MFSD11: variants seen among roughly 807,000 people sequenced by gnomAD.
MFSD11 encodes the protein UNC93-like protein MFSD11.
MFSD11 carries 36 observed loss-of-function variants against 53.5 expected under a neutral mutation model. The observed-to-expected ratio is 0.67, with a 90% CI of 0.52 to 0.89. The LOEUF (loss-of-function observed/expected upper bound fraction) is 0.89. MFSD11 is among the 40% of genes least tolerant of loss of function. The pLI is 0.00. For synonymous variants in MFSD11, 186 were observed against 184.9 expected, an observed-to-expected ratio of 1.01 and a Z score of -0.05; for missense variants, 530 against 543.9, an observed-to-expected ratio of 0.97 and a Z score of 0.25.
At chr17:76,749,307 T>C (rs2078831706) in intron 7 of MFSD11, among the ~76,000 whole-genome samples, 1 of 150,428 alleles carries the variant, frequency 6.6e-6, no homozygotes, top group Admixed American at 6.6e-5. Flanking sequence ...GCGGATTGCT[T>C]GAACCCAGGA....
Position 76,769,887 on chromosome 17 carries a change from A to C in MFSD11, c.874+16A>C. 4 of 1,602,768 alleles carry C rather than the reference A, an allele frequency of 2.5e-6. No homozygotes were observed. The highest frequency in any genetic ancestry group is 3.4e-6 in the Non-Finnish European group (4 of 1,177,152). ...GAAATTTTAGGTTGGTTTTAAAAAA[A>C]AGCGTTTGCATTAAAAATATCAGTT... On this transcript the variant is annotated intron_variant, in intron 10 of 12. Transcript: ENST00000685175.
chr17:76,775,217 G>A lies in MFSD11; in HGVS notation c.1049+46G>A, dbSNP rs149413130. On this transcript the variant is annotated intron_variant, in intron 11 of 12. Transcript: ENST00000685175. ...CTAGTCGCTTGAGTACGGGTGGGAG[G>A]TAACGGATGGCTAGATACTGAAAGT... 1.7e-3 allele frequency: 2,636 copies of A among 1,568,414 alleles called. 36 individuals carry two copies. The African/African-American group carries it at 0.031, about 19-fold the overall frequency.
intron 8 of MFSD11, among the ~76,000 whole-genome samples, chr17:76,760,932 G>A (rs1299125744): frequency 7.2e-5 from 11 of 152,132 alleles, no homozygotes; most frequent in South Asian, 2.1e-4. Context: ...CTGGCCGGGC[G>A]CAGTGGCTCA....
upstream of MFSD11, chr17:76,736,819 G>A (rs537883100): frequency 2.5e-6 from 4 of 1,590,254 alleles, no homozygotes; most frequent in South Asian, 2.2e-5. Context: ...GGCGTCCGTA[G>A]CCACCGCCCC....
At chr17:76,781,824 A>G (rs754345781), downstream of MFSD11, among the ~76,000 whole-genome samples, 2 of 151,868 alleles carry the variant, frequency 1.3e-5, no homozygotes, top group African/African-American at 2.4e-5. Context: ...TCAGTTTCGT[A>G]CTCACTTTTT....
Position 76,769,776 on chromosome 17 carries a change from A to G in MFSD11, c.779A>G (p.Tyr260Cys), listed in dbSNP as rs371961848. The G allele has an allele frequency of 4.3e-6, 7 of 1,610,538 alleles. No individual in the cohort carries two copies. Among genetic ancestry groups the G allele is most frequent in the South Asian group, 3.3e-5 (3 of 90,324 alleles). Residue 260 changes from tyrosine to cysteine, a missense_variant, in exon 10 of 13, where the codon TAT (tyrosine) becomes TGT (cysteine). By Grantham distance (194) the Tyr-to-Cys change is radical. Transcript: ENST00000685175. ...GAATTAACTTTCTTCTCTGGTGTAT[A>G]TGGAACCTGTATTGGTGCTACAAAT... ...GLELTFFSGV[Y>C]GTCIGATNKF...
chr17:76,741,186 A>G, intron 3 of MFSD11, 122 bp downstream of exon 3: 3 of 680,982 alleles, frequency 4.4e-6, no homozygotes, highest in Non-Finnish European at 7.7e-6. Context: ...TATTTTACGA[A>G]TTTTGGCTCA....
downstream of MFSD11, among the ~76,000 whole-genome samples, chr17:76,785,117 G>A (rs1405255558): frequency 1.3e-5 from 2 of 152,198 alleles, no homozygotes; most frequent in African/African-American, 4.8e-5. Flanking sequence ...ATACAATGAA[G>A]TATGATTCAG....
At chr17:76,737,333 G>C (rs1007106744), upstream of MFSD11, 2 of 862,402 alleles carry the variant, frequency 2.3e-6, no homozygotes, top group African/African-American at 1.7e-5. Flanking sequence ...GTAACAACTG[G>C]GCGGGCAGCC....
At chr17:76,748,251 A>G (rs1052483222) in intron 7 of MFSD11, among the ~76,000 whole-genome samples, 25 of 152,138 alleles carry the variant, frequency 1.6e-4, no homozygotes, top group African/African-American at 6.0e-4. Flanking sequence ...ACAGGGTCAG[A>G]TTATGTAAGC....
At chr17:76,753,562 A>G (rs908446289) in intron 7 of MFSD11, among the ~76,000 whole-genome samples, 3 of 151,642 alleles carry the variant, frequency 2.0e-5, no homozygotes, top group Non-Finnish European at 4.4e-5. Flanking sequence ...AATCCCAGCT[A>G]CTCAAGAGGC....
the MFSD11 span, among the ~76,000 whole-genome samples, chr17:76,789,371 A>C: frequency 6.7e-6 from 1 of 149,914 alleles, no homozygotes; most frequent in East Asian, 1.9e-4. Context: ...GAGGGGCCGC[A>C]TGTGCAGTGC....
chr17:76,786,337 G>A (rs368125898), downstream of MFSD11, among the ~76,000 whole-genome samples: 10 of 151,998 alleles, frequency 6.6e-5, no homozygotes, highest in East Asian at 2.0e-3. Context: ...TAGAGACAGG[G>A]TTTCGCCATG....
intron 10 of MFSD11, among the ~76,000 whole-genome samples, chr17:76,770,447 A>C (rs1447734575): frequency 6.6e-6 from 1 of 152,144 alleles, no homozygotes; most frequent in Admixed American, 6.6e-5. Context: ...TCCTCCTAAA[A>C]TATTTAGAAA....
At chr17:76,799,954 C>CTTTTTT in the MFSD11 span, among the ~76,000 whole-genome samples, 805 of 87,116 alleles carry the variant, frequency 9.2e-3, 29 homozygotes, top group African/African-American at 0.032. Flanking sequence ...TTTTCTTTTT[C>CTTTTTT]CTTTTTTTTT....
the MFSD11 span, among the ~76,000 whole-genome samples, chr17:76,793,763 G>A: frequency 1.3e-5 from 2 of 151,602 alleles, no homozygotes; most frequent in South Asian, 2.1e-4. Context: ...TCTAATAAAT[G>A]TCCATGAAAT....
At chr17:76,745,029 T>C (rs1478148599) in intron 7 of MFSD11, among the ~76,000 whole-genome samples, 1 of 152,170 alleles carries the variant, frequency 6.6e-6, no homozygotes, top group Non-Finnish European at 1.5e-5. Flanking sequence ...TTTGTAAAAA[T>C]TGTAAATTAC....
At chr17:76,750,265 C>G (rs570253247) in intron 7 of MFSD11, among the ~76,000 whole-genome samples, 60 of 151,492 alleles carry the variant, frequency 4.0e-4, no homozygotes, top group Admixed American at 9.2e-4. Flanking sequence ...CAAATGATGG[C>G]ATCTAAATAG....
At chr17:76,772,203 T>A (rs979329742) in intron 10 of MFSD11, among the ~76,000 whole-genome samples, 1 of 152,028 alleles carries the variant, frequency 6.6e-6, no homozygotes. Flanking sequence ...GGCAGATCGC[T>A]TGAGTTCAGG....
Sources: gnomAD v4.1 joint callset for allele counts (sites outside exome capture counted in the v4.1 genomes callset) on GRCh38, gnomAD v4.1.1 for gene constraint, MANE v1.5 for transcripts, NCBI Gene and HGNC (gene_info 2026-07-23, HGNC 2026-07-21) for gene names.